Variants in CAPN1 observed in about 807,000 individuals in gnomAD.
CAPN1 encodes the protein calpain-1 catalytic subunit.
In CAPN1, 77 loss-of-function variants were observed where a neutral mutation model predicts 105.2. That is an observed-to-expected ratio of 0.73 (90% CI 0.61 to 0.88). CAPN1 has a LOEUF of 0.88. Ranked by LOEUF, CAPN1 falls within the 40% of genes least tolerant of loss-of-function variation. The probability of loss-of-function intolerance (pLI) is 0.00; values close to 1 mark genes in which losing one functional copy is unlikely to be tolerated. For synonymous variants in CAPN1, 355 were observed against 388.8 expected, an observed-to-expected ratio of 0.91 and a Z score of 1.02; for missense variants, 833 against 976.6, an observed-to-expected ratio of 0.85 and a Z score of 1.96.
rs1948996553 is a variant in CAPN1, at chr11:65,208,455, T to C, written c.1729+193T>C. 3 of 638,984 alleles carry C rather than the reference T, an allele frequency of 4.7e-6. No homozygotes were observed. The highest frequency in any genetic ancestry group is 8.4e-6 in the Non-Finnish European group (3 of 356,156). 39.6% of individuals were successfully genotyped at this position (638,984 alleles called of 1,614,324 possible). A position where few individuals can be genotyped will look rare whatever the true frequency, so the allele number is the denominator to read the frequency against. On this transcript the variant is annotated intron_variant, in intron 16 of 21. Coordinates refer to ENST00000279247, the MANE Select transcript of CAPN1 (RefSeq NM_005186.4). The surrounding 1 kb of genome is among the most constrained non-coding windows in gnomAD (Gnocchi z 4.1). ...CCTGACCTGCCATCCTGATAATCCCTGTGCTCGGGTGCTGTGCCTTTGTGG... is the reference window on the plus strand; with the variant it reads ...CCTGACCTGCCATCCTGATAATCCCCGTGCTCGGGTGCTGTGCCTTTGTGG...
At chr11:65,204,881 G>A (rs1948930425) in intron 11 of CAPN1, 23 bp downstream of exon 11, 1 of 1,589,416 alleles carries the variant, frequency 6.3e-7, no homozygotes, top group Non-Finnish European at 8.6e-7. Flanking sequence ...GATCACCGGT[G>A]GATCTCACTG....
chr11:65,206,959 T>TA, intron 14 of CAPN1, 140 bp downstream of exon 14: 1 of 748,840 alleles, frequency 1.3e-6, no homozygotes, highest in East Asian at 2.7e-5. Context: ...GGAGTAGTGC[T>TA]AATCCCTCAT....
rs1038166080 is a variant in CAPN1 at position 65,210,976 on chromosome 11, C to T, written c.2118+104C>T. 15 of 1,081,066 alleles carry T rather than the reference C, an allele frequency of 1.4e-5. No homozygotes were observed. The highest frequency in any genetic ancestry group is 2.1e-5 in the Non-Finnish European group (15 of 700,554). 67.0% of individuals were successfully genotyped at this position (1,081,066 alleles called of 1,614,324 possible). On this transcript the variant is annotated intron_variant, in intron 21 of 21. Transcript: ENST00000279247. This position sits in a 1 kb window ranked among gnomAD's most constrained non-coding sequence, Gnocchi z 4.3. Reference sequence around the variant, plus strand: ...CTTTCCTGGAAATGAGCCTGGGCCTCAGAGCCAACCCTGAAGCCCGGGCCA... The same window carrying T: ...CTTTCCTGGAAATGAGCCTGGGCCTTAGAGCCAACCCTGAAGCCCGGGCCA...
At chr11:65,194,845 G>A (rs926182225) in intron 10 of CAPN1, among the ~76,000 whole-genome samples, 16 of 152,074 alleles carry the variant, frequency 1.1e-4, no homozygotes, top group Non-Finnish European at 2.2e-4. Flanking sequence ...TCATGTGCAT[G>A]CGTTTCAACA....
chr11:65,191,965 T>C (rs1415229544), intron 10 of CAPN1, among the ~76,000 whole-genome samples: 1 of 152,234 alleles, frequency 6.6e-6, no homozygotes, highest in Non-Finnish European at 1.5e-5. Context: ...TTAAATACTT[T>C]GAATTGTCTA....
intron 10 of CAPN1, among the ~76,000 whole-genome samples, chr11:65,195,450 G>A (rs1487113128): frequency 3.3e-5 from 5 of 152,104 alleles, no homozygotes; most frequent in African/African-American, 9.7e-5. Context: ...TTAAAATCAT[G>A]AACTGATGTG....
At position 65,188,090 on chromosome 11, in the gene CAPN1, G is replaced by A. The variant is rs1159201745; in HGVS notation, c.929+50G>A. On this transcript the variant is annotated intron_variant, in intron 8 of 21. Transcript: ENST00000279247. This position sits in a 1 kb window ranked among gnomAD's most constrained non-coding sequence, Gnocchi z 5.5. Reference sequence around the variant, plus strand: ...GAGTGCCTTGGGGAAACTGTTAGGTGCCCCGACATTTCTGCTCGGGACTCT... The same window carrying A: ...GAGTGCCTTGGGGAAACTGTTAGGTACCCCGACATTTCTGCTCGGGACTCT... 1 of 1,292,342 alleles carries A rather than the reference G, an allele frequency of 7.7e-7. No individual in the cohort carries two copies. The highest frequency in any genetic ancestry group is 1.3e-5 in the South Asian group (1 of 74,084). The allele number at this position is 1,292,342 out of a possible 1,614,324, so 80.1% of individuals were successfully genotyped here. A position where few individuals can be genotyped will look rare whatever the true frequency, so the allele number is the denominator to read the frequency against.
chr11:65,210,688 A>AG lies in CAPN1; in HGVS notation c.2060-122dup, dbSNP rs1949034989. 1.2e-6 allele frequency: 1 copy of AG among 816,130 alleles called. No homozygotes were observed. The highest frequency in any genetic ancestry group is 2.5e-5 in the East Asian group (1 of 40,754). The allele number at this position is 816,130 out of a possible 1,614,324, so 50.6% of individuals were successfully genotyped here. ...GAAGGGGTGAAGCTTCCCAGCTTCA[A>AG]GGGGTGTCAGCTTGCGGTACTGTGG... is the stretch of plus-strand genomic sequence containing the variant. On this transcript the variant is annotated intron_variant, in intron 20 of 21. Coordinates refer to ENST00000279247, the MANE Select transcript of CAPN1 (RefSeq NM_005186.4). This position sits in a 1 kb window ranked among gnomAD's most constrained non-coding sequence, Gnocchi z 4.3.
At position 65,210,027 on chromosome 11, in the gene CAPN1, C is replaced by T. The variant is rs771850204; in HGVS notation, c.1873C>T (p.Arg625Trp). The T allele has an allele frequency of 3.3e-5, 53 of 1,613,046 alleles. No individual in the cohort carries two copies. Among genetic ancestry groups the T allele is most frequent in the East Asian group, 1.1e-4 (5 of 44,876 alleles). The change falls in exon 19 of 22, where the codon CGG (arginine) becomes TGG (tryptophan). Residue 625 changes from arginine (R) to tryptophan (W), a missense_variant. By Grantham distance (101) the Arg-to-Trp change is moderately radical. Coordinates refer to ENST00000279247, the MANE Select transcript of CAPN1 (RefSeq NM_005186.4). The surrounding 1 kb of genome is among the most constrained non-coding windows in gnomAD (Gnocchi z 4.3). ...NRIRNYLSIF[R>W]KFDLDKSGSM... ...TCTGCCGCCACCTCAGTCCATCTTC[C>T]GGAAGTTTGACCTGGACAAGTCGGG... is the stretch of plus-strand genomic sequence containing the variant.
chr11:65,182,563 G>A (rs1341073396), intron 1 of CAPN1, 138 bp from the exon 2 acceptor site: 2 of 908,468 alleles, frequency 2.2e-6, no homozygotes, highest in Non-Finnish European at 3.2e-6. Context: ...CCCTACTTCT[G>A]TGAGGGGAGC....
Position 65,204,824 on chromosome 11 carries a change from G to T in CAPN1, c.1307G>T (p.Arg436Leu), listed in dbSNP as rs1382095822. The change falls in exon 11 of 22, where the codon CGC becomes CTC. Residue 436 changes from arginine (R) to leucine (L), a missense_variant. By Grantham distance (102) the Arg-to-Leu change is moderately radical (BLOSUM62 -2). Coordinates refer to ENST00000279247, the MANE Select transcript of CAPN1 (RefSeq NM_005186.4). ...KHRRRERRFGRDMETIGFAVY... is the reference protein window; with the variant it reads ...KHRRRERRFGLDMETIGFAVY... ...CGTCGCCGCGAGCGCCGCTTCGGCC[G>T]CGACATGGAGACTATTGGCTTCGCG... 6.2e-7 allele frequency: 1 copy of T among 1,611,984 alleles called. No individual in the cohort carries two copies. Among genetic ancestry groups the T allele is most frequent in the Non-Finnish European group, 8.5e-7 (1 of 1,179,124 alleles).
chr11:65,182,790 G>T lies in CAPN1; in HGVS notation c.89G>T (p.Arg30Leu). ...CGGGCCAGGGAGCTGGGCCTGGGCCGCCATGAGAATGCCATCAAGTACCTG... is the reference window on the plus strand; with the variant it reads ...CGGGCCAGGGAGCTGGGCCTGGGCCTCCATGAGAATGCCATCAAGTACCTG... ...KQRARELGLG[R>L]HENAIKYLGQ... The change falls in exon 2 of 22, where the codon CGC (arginine) becomes CTC (leucine). Residue 30 changes from arginine (R) to leucine (L), a missense_variant. Coordinates refer to ENST00000279247, the MANE Select transcript of CAPN1 (RefSeq NM_005186.4). The T allele has an allele frequency of 9.5e-6, 15 of 1,583,288 alleles. No homozygotes were observed. The highest frequency in any genetic ancestry group is 1.3e-5 in the Non-Finnish European group (15 of 1,165,244).
Position 65,186,294 on chromosome 11 carries a change from C to T in CAPN1, c.715C>T (p.Leu239Phe), listed in dbSNP as rs1323309959. ...KAPSDLYQII[L>F]KALERGSLLG... ...TCCCAGTGACCTCTACCAGATCATC[C>T]TCAAGGCGCTGGAGCGGGGCTCCCT... Residue 239 changes from leucine to phenylalanine, a missense_variant, in exon 6 of 22, where the codon CTC (leucine) becomes TTC (phenylalanine). Transcript: ENST00000279247. The T allele has an allele frequency of 6.2e-7, 1 of 1,613,484 alleles. No individual in the cohort carries two copies. The highest frequency in any genetic ancestry group is 8.5e-7 in the Non-Finnish European group (1 of 1,179,660).
chr11:65,206,110 C>A (rs1253015527), intron 12 of CAPN1: 6 of 509,806 alleles, frequency 1.2e-5, no homozygotes, highest in Non-Finnish European at 2.1e-5. Flanking sequence ...GTGTTTGTGT[C>A]TGTAAAATGG....
At chr11:65,189,425 G>T (rs751231527) in intron 10 of CAPN1, among the ~76,000 whole-genome samples, 1 of 152,070 alleles carries the variant, frequency 6.6e-6, no homozygotes, top group East Asian at 1.9e-4. Flanking sequence ...ACTGCAGCAC[G>T]CTTTTTCTCT....
intron 10 of CAPN1, among the ~76,000 whole-genome samples, chr11:65,195,754 A>G (rs568287487): frequency 3.9e-4 from 59 of 152,146 alleles, no homozygotes; most frequent in African/African-American, 1.4e-3. Context: ...TCCTGGGATG[A>G]GTTAGGAAGT....
chr11:65,187,425 T>G, intron 7 of CAPN1, 127 bp downstream of exon 7: 1 of 668,900 alleles, frequency 1.5e-6, no homozygotes, highest in Middle Eastern at 3.4e-4. Context: ...CAGCACCTTA[T>G]CTCTCTTCTG....
upstream of CAPN1, chr11:65,181,647 G>A: frequency 2.8e-6 from 1 of 351,418 alleles, no homozygotes; most frequent in Non-Finnish European, 5.8e-6. The surrounding 1 kb of genome is among the most constrained non-coding windows in gnomAD (Gnocchi z 4.6). Context: ...CGTTCCCCGC[G>A]GTGCCCTTCC....
intron 3 of CAPN1, 79 bp downstream of exon 3, chr11:65,183,276 AC>A: frequency 7.2e-7 from 1 of 1,380,216 alleles, no homozygotes; most frequent in Admixed American, 1.7e-5. Context: ...CTCTGCCCCA[AC>A]CCCTCCCTCT....
Sources: allele counts gnomAD v4.1 joint callset (sites outside exome capture counted in the v4.1 genomes callset), GRCh38; gene constraint gnomAD v4.1.1; non-coding constraint Gnocchi (gnomAD v3.1); transcripts MANE v1.5; gene names NCBI Gene and HGNC (gene_info 2026-07-23, HGNC 2026-07-21).